Variants in CHSY1 observed in about 807,000 individuals in gnomAD.
CHSY1 encodes chondroitin sulfate synthase 1.
CHSY1 carries 13 observed loss-of-function variants against 59.8 expected under a neutral mutation model. The observed-to-expected ratio is 0.22, with a 90% CI of 0.14 to 0.35. The LOEUF (loss-of-function observed/expected upper bound fraction) is 0.35, where lower values mean the gene tolerates loss of function less well. CHSY1 is among the 10% of genes least tolerant of loss of function. CHSY1 has a pLI of 1.00. For missense variants in CHSY1, 947 were observed against 1,030.6 expected, an observed-to-expected ratio of 0.92 and a Z score of 1.11; for synonymous variants, 459 against 401.2, an observed-to-expected ratio of 1.14 and a Z score of -1.72.
At chr15:101,248,568 G>T (rs72768601) in intron 1 of CHSY1, among the ~76,000 whole-genome samples, 2 of 152,088 alleles carry the variant, frequency 1.3e-5, no homozygotes, top group East Asian at 3.8e-4. Flanking sequence ...GGTGTCAAAA[G>T]AAAGGGAGAA....
At chr15:101,194,361 C>A (rs2038482655) in intron 2 of CHSY1, among the ~76,000 whole-genome samples, 1 of 152,242 alleles carries the variant, frequency 6.6e-6, no homozygotes, top group African/African-American at 2.4e-5. Flanking sequence ...TGTACGCACA[C>A]ATTTTACATG....
intron 2 of CHSY1, among the ~76,000 whole-genome samples, chr15:101,209,498 G>C (rs1800820257): frequency 6.6e-6 from 1 of 151,898 alleles, no homozygotes; most frequent in Non-Finnish European, 1.5e-5. Flanking sequence ...TTTGTTTTAA[G>C]GAAAAAGGGT....
At chr15:101,188,773 G>A (rs553324576) in intron 2 of CHSY1, among the ~76,000 whole-genome samples, 8 of 152,266 alleles carry the variant, frequency 5.3e-5, no homozygotes, top group South Asian at 2.1e-4. Flanking sequence ...TAAGTAAAGC[G>A]ATAAAACTGA....
chr15:101,184,639 C>G (rs540151082), intron 2 of CHSY1, among the ~76,000 whole-genome samples: 2 of 152,036 alleles, frequency 1.3e-5, no homozygotes, highest in East Asian at 3.9e-4. Flanking sequence ...CGTGAGCCAC[C>G]CAGCCCGGCC....
intron 2 of CHSY1, among the ~76,000 whole-genome samples, chr15:101,231,467 A>C (rs1211443827): frequency 6.6e-6 from 1 of 152,236 alleles, no homozygotes; most frequent in Non-Finnish European, 1.5e-5. Context: ...TATTCCTATA[A>C]GCCCTTTGCA....
In CHSY1 at chr15:101,235,320, G is replaced by A. The variant is rs2038930476; in HGVS notation, c.578C>T (p.Pro193Leu). The A allele has an allele frequency of 6.2e-7, 1 of 1,614,148 alleles. No individual in the cohort carries two copies. The highest frequency in any genetic ancestry group is 1.3e-5 in the African/African-American group (1 of 75,018). Residue 193 changes from proline (P) to leucine (L), a missense_variant, in exon 2 of 3, where the codon CCC becomes CTC. By Grantham distance (98) the Pro-to-Leu change is moderately conservative (BLOSUM62 -3). Coordinates refer to ENST00000254190, the MANE Select transcript of CHSY1 (RefSeq NM_014918.5). Reference protein sequence around the residue: ...NFLRSLNSSEPLFLGQTGLGT... With the variant: ...NFLRSLNSSELLFLGQTGLGT... The stretch of plus-strand genomic sequence containing the variant: ...CAGGCCTGTCTGCCCAAGAAAGAGG[G>A]GCTCGCTGCTGTTCAAACTCCTCAG...
Position 101,190,282 on chromosome 15 carries a change from G to T in CHSY1, c.817-11302C>A, listed in dbSNP as rs534826933. Reference sequence around the variant, plus strand: ...TCTGGGGAAGGGTGGGTGGGGAAGGGAAGCTAGTAAAGCTTTAAATTCCAT... The same window carrying T: ...TCTGGGGAAGGGTGGGTGGGGAAGGTAAGCTAGTAAAGCTTTAAATTCCAT... On this transcript the variant is annotated intron_variant, in intron 2 of 2. Transcript: ENST00000254190. 4.6e-5 allele frequency among the ~76,000 whole-genome samples: 7 copies of T among 152,266 alleles called. No individual in the cohort carries two copies. The South Asian group carries it at 1.5e-3, about 32-fold the overall frequency.
At chr15:101,248,743 C>G (rs1041524460) in intron 1 of CHSY1, among the ~76,000 whole-genome samples, 1 of 152,208 alleles carries the variant, frequency 6.6e-6, no homozygotes, top group African/African-American at 2.4e-5. Context: ...AAAACCATCT[C>G]CAAGTGTGAA....
rs141283608 is a variant in CHSY1, at chr15:101,184,886, A to C, written c.817-5906T>G. 3.9e-5 allele frequency among the ~76,000 whole-genome samples: 6 copies of C among 152,334 alleles called. No homozygotes were observed. The East Asian group carries it at 1.2e-3, about 29-fold the overall frequency. ...AAACAATTCAGACAGAGAAGTTCCT[A>C]CCTGACAGACTGGGTGGAACACATA... On this transcript the variant is annotated intron_variant, in intron 2 of 2. Transcript: ENST00000254190.
intron 2 of CHSY1, among the ~76,000 whole-genome samples, chr15:101,185,695 A>G (rs1302401153): frequency 1.5e-5 from 2 of 133,772 alleles, no homozygotes; most frequent in Non-Finnish European, 3.1e-5. Context: ...TCTCCTCGAA[A>G]TATCTTTTTT....
At chr15:101,183,452 G>A (rs1452570667) in intron 2 of CHSY1, among the ~76,000 whole-genome samples, 2 of 152,190 alleles carry the variant, frequency 1.3e-5, no homozygotes. Context: ...AGAAGTGGGA[G>A]GAGTGGAAAA....
intron 2 of CHSY1, among the ~76,000 whole-genome samples, chr15:101,185,697 ATC>A (rs77477158): frequency 1.6e-5 from 2 of 122,992 alleles, no homozygotes; most frequent in African/African-American, 3.4e-5. Context: ...TCCTCGAAAT[ATC>A]TTTTTTTTTT....
intron 1 of CHSY1, among the ~76,000 whole-genome samples, chr15:101,240,190 T>C (rs903352132): frequency 6.6e-6 from 1 of 152,156 alleles, no homozygotes; most frequent in African/African-American, 2.4e-5. Flanking sequence ...TCTTAAGAAA[T>C]TATAATCTTT....
At chr15:101,206,475 C>T (rs1567095786) in intron 2 of CHSY1, among the ~76,000 whole-genome samples, 2 of 152,114 alleles carry the variant, frequency 1.3e-5, no homozygotes, top group East Asian at 1.9e-4. Flanking sequence ...GCTCTGAAGG[C>T]GGTGACGTGC....
chr15:101,179,918 G>A (rs529332699), intron 2 of CHSY1, among the ~76,000 whole-genome samples: 16 of 152,254 alleles, frequency 1.1e-4, no homozygotes, highest in Non-Finnish European at 2.1e-4. Flanking sequence ...TTTTTACAAA[G>A]CATGTTGGAA....
intron 2 of CHSY1, among the ~76,000 whole-genome samples, chr15:101,189,146 C>T (rs936752615): frequency 1.7e-4 from 26 of 152,218 alleles, no homozygotes; most frequent in African/African-American, 5.3e-4. Flanking sequence ...ATCGAGCCGG[C>T]GAGCGTGGCG....
In CHSY1 at chr15:101,176,024, G is replaced by A. The variant is rs1419801370; in HGVS notation, c.*1364C>T. On this transcript the variant is annotated 3_prime_UTR_variant, in exon 3 of 3. Transcript: ENST00000254190. Reference sequence around the variant, plus strand: ...TCACTTTTGTCCCCAAAACACATGAGCACCAAAATTGTCAAAGAACACTTA... The same window carrying A: ...TCACTTTTGTCCCCAAAACACATGAACACCAAAATTGTCAAAGAACACTTA... 2.2e-5 allele frequency: 8 copies of A among 362,156 alleles called. No individual in the cohort carries two copies. In the South Asian group the frequency reaches 4.5e-4, roughly 20 times the overall value. The allele number at this position is 362,156 out of a possible 1,614,324, so 22.4% of individuals were successfully genotyped here. A position where few individuals can be genotyped will look rare whatever the true frequency, so the allele number is the denominator to read the frequency against.
In CHSY1 at chr15:101,178,287, A is replaced by G. The variant is rs771420748; in HGVS notation, c.1510T>C (p.Leu504=). The G allele has an allele frequency of 6.2e-7, 1 of 1,611,764 alleles. No individual in the cohort carries two copies. Among genetic ancestry groups the G allele is most frequent in the Non-Finnish European group, 8.5e-7 (1 of 1,177,968 alleles). Residue 504 remains leucine (L), a synonymous_variant, in exon 3 of 3, where the codon TTG becomes CTG. Coordinates refer to ENST00000254190, the MANE Select transcript of CHSY1 (RefSeq NM_014918.5). Reference sequence around the variant, plus strand: ...TTCAGGGAGTTTGAGAGAAAGGACAAGGATCCAGATTCCTGATTGATTCTC... The same window carrying G: ...TTCAGGGAGTTTGAGAGAAAGGACAGGGATCCAGATTCCTGATTGATTCTC... ...AKRINQESGS[L]SFLSNSLKKL...
rs191240061 is a variant in CHSY1 at position 101,219,818 on chromosome 15, G to A, written c.816+15264C>T. Among the ~76,000 whole-genome samples the A allele has an allele frequency of 1.3e-3, 202 of 152,346 alleles. 8 individuals carry two copies. Among genetic ancestry groups the A allele is most frequent in the Non-Finnish European group, 9.6e-4 (65 of 68,032 alleles). On this transcript the variant is annotated intron_variant, in intron 2 of 2. Transcript: ENST00000254190. Reference sequence around the variant, plus strand: ...TTTCGCTCGTTTTGCCCAGGCTGGAGTGCAATGGCGTGATCTTGGCTCACA... The same window carrying A: ...TTTCGCTCGTTTTGCCCAGGCTGGAATGCAATGGCGTGATCTTGGCTCACA...
Sources: gnomAD v4.1 joint callset for allele counts (sites outside exome capture counted in the v4.1 genomes callset) on GRCh38, gnomAD v4.1.1 for gene constraint, MANE v1.5 for transcripts, NCBI Gene and HGNC (gene_info 2026-07-23, HGNC 2026-07-21) for gene names.